Variants in FARP2 observed in about 807,000 individuals in gnomAD.
FARP2 encodes the protein FERM, ARHGEF and pleckstrin domain-containing protein 2.
Under a neutral mutation model 130.5 loss-of-function variants are expected in FARP2, and 111 were observed. That is an observed-to-expected ratio of 0.85 (90% CI 0.73 to 1.00). FARP2 has a LOEUF of 1.00. FARP2 is among the 50% of genes least tolerant of loss of function. FARP2 has a pLI of 0.00. For synonymous variants in FARP2, 504 were observed against 516.9 expected (o/e 0.98, Z 0.34); for missense variants, 1,385 against 1,346.3 (o/e 1.03, Z -0.45).
intron 3 of FARP2, among the ~76,000 whole-genome samples, chr2:241,404,360 T>G (rs1189178006): frequency 6.6e-6 from 1 of 152,240 alleles, no homozygotes; most frequent in African/African-American, 2.4e-5. Context: ...TATTAAGTTC[T>G]GTCCAGCCTT....
At chr2:241,393,139 C>A (rs772012215) in intron 2 of FARP2, among the ~76,000 whole-genome samples, 14 of 151,744 alleles carry the variant, frequency 9.2e-5, no homozygotes, top group Non-Finnish European at 1.5e-4. Flanking sequence ...CCTGTCTCAG[C>A]CTTCTGAGTA....
intron 17 of FARP2, 102 bp from the exon 18 acceptor site, chr2:241,468,038 T>G: frequency 1.2e-6 from 1 of 827,824 alleles, no homozygotes; most frequent in African/African-American, 1.7e-5. Context: ...ATTTGCCCTG[T>G]GGGGATTTCC....
intron 8 of FARP2, 121 bp downstream of exon 8, chr2:241,418,230 G>A: frequency 2.0e-6 from 2 of 1,004,786 alleles, no homozygotes; most frequent in South Asian, 1.6e-5. Context: ...CCTCGATTTG[G>A]AAGAGGGGCT....
intron 11 of FARP2, among the ~76,000 whole-genome samples, chr2:241,435,261 G>GT (rs202038900): frequency 0.01 from 1,519 of 147,570 alleles, 103 homozygotes; most frequent in Admixed American, 0.091. Flanking sequence ...CCCCTGGCTA[G>GT]TTTTTTTTGT....
At chr2:241,474,060 A>G (rs1307713401) in intron 18 of FARP2, among the ~76,000 whole-genome samples, 3 of 151,954 alleles carry the variant, frequency 2.0e-5, no homozygotes, top group East Asian at 3.9e-4. Context: ...TAATCCTAGC[A>G]CTTTGGGAGG....
chr2:241,450,379 CAAAA>C (rs913677513), intron 13 of FARP2, among the ~76,000 whole-genome samples: 1 of 151,154 alleles, frequency 6.6e-6, no homozygotes, highest in Non-Finnish European at 1.5e-5. Context: ...AAAAACAAAA[CAAAA>C]AAGGCCAGGC....
rs1269422122 is a variant in FARP2, at chr2:241,491,502, TGAC to T, written c.2624-13_2624-11del. The T allele has an allele frequency of 2.5e-6, 4 of 1,612,670 alleles. No homozygotes were observed. The highest frequency in any genetic ancestry group is 3.3e-5 in the Admixed American group (2 of 59,976). ...CAGGGGGTTCCCCCTGAGACGCTGC[TGAC>T]TTCTCCCCAGGATCCCCCAACGAGG... is the stretch of plus-strand genomic sequence containing the variant. On this transcript the variant is annotated splice_polypyrimidine_tract_variant and intron_variant, in intron 23 of 26. Coordinates refer to ENST00000264042, the MANE Select transcript of FARP2 (RefSeq NM_014808.4).
chr2:241,467,641 CAA>C (rs397957562), intron 17 of FARP2, among the ~76,000 whole-genome samples: 28 of 111,980 alleles, frequency 2.5e-4, no homozygotes, highest in South Asian at 2.9e-4. Flanking sequence ...GATCCAGTCT[CAA>C]AAAAAAAAAA....
intron 8 of FARP2, among the ~76,000 whole-genome samples, chr2:241,424,642 C>A (rs1012849398): frequency 5.3e-5 from 8 of 151,958 alleles, no homozygotes; most frequent in South Asian, 2.1e-4. Context: ...GACACAAAAA[C>A]CCCTTCAAAA....
chr2:241,399,644 A>G (rs2062116865), intron 2 of FARP2, among the ~76,000 whole-genome samples: 1 of 152,034 alleles, frequency 6.6e-6, no homozygotes, highest in Non-Finnish European at 1.5e-5. Flanking sequence ...ACTATCTTCT[A>G]TTTTGTGGCT....
Position 241,407,598 on chromosome 2 carries a change from A to C in FARP2, c.393A>C (p.Leu131=). Residue 131 remains leucine, a synonymous_variant, in exon 5 of 27, where the codon CTA becomes CTC. Transcript: ENST00000264042. ...TTTTTCCACCTGATCCTGGTCAGCT[A>C]CAAGAAGAATATACAAGGTAAAGAG... ...VKFFPPDPGQ[L]QEEYTRYLFA... 6.2e-7 allele frequency: 1 copy of C among 1,613,776 alleles called. No homozygotes were observed. Among genetic ancestry groups the C allele is most frequent in the Non-Finnish European group, 8.5e-7 (1 of 1,179,672 alleles).
At chr2:241,366,120 T>TATATATATAC (rs1238134390) in intron 1 of FARP2, among the ~76,000 whole-genome samples, 960 of 42,632 alleles carry the variant, frequency 0.023, 37 homozygotes, top group Middle Eastern at 0.079. Context: ...TATATATATA[T>TATATATATAC]ACGTATATAT....
intron 8 of FARP2, among the ~76,000 whole-genome samples, chr2:241,429,765 A>G (rs183649196): frequency 6.6e-6 from 1 of 152,196 alleles, no homozygotes; most frequent in African/African-American, 2.4e-5. Flanking sequence ...TCTGCCTTTA[A>G]CTCGTTAAAC....
intron 18 of FARP2, among the ~76,000 whole-genome samples, chr2:241,469,367 G>A (rs1343297142): frequency 6.6e-6 from 1 of 152,138 alleles, no homozygotes; most frequent in Admixed American, 6.5e-5. Flanking sequence ...TTACAGGTGT[G>A]AGCCACCACA....
At chr2:241,376,994 G>T (rs992243225) in intron 2 of FARP2, among the ~76,000 whole-genome samples, 9 of 152,298 alleles carry the variant, frequency 5.9e-5, no homozygotes, top group Non-Finnish European at 1.3e-4. Context: ...AGTTAGATTT[G>T]GTTAACAGAC....
rs758691127 is a variant in FARP2 at position 241,492,910 on chromosome 2, A to G, written c.2788-19A>G. The G allele has an allele frequency of 1.3e-6, 2 of 1,495,244 alleles. No homozygotes were observed. The highest frequency in any genetic ancestry group is 1.9e-6 in the Non-Finnish European group (2 of 1,071,674). 92.6% of individuals were successfully genotyped at this position (1,495,244 alleles called of 1,614,324 possible). On this transcript the variant is annotated intron_variant, in intron 24 of 26. Coordinates refer to ENST00000264042, the MANE Select transcript of FARP2 (RefSeq NM_014808.4). ...CCTGGGTGCTGGTTAATGCACCTGC[A>G]TTTTTCCTTTATTGACAGAACCAGC... is the stretch of plus-strand genomic sequence containing the variant.
At chr2:241,435,510 A>ATTTT (rs374376821) in intron 11 of FARP2, among the ~76,000 whole-genome samples, 1 of 134,530 alleles carries the variant, frequency 7.4e-6, no homozygotes, top group Admixed American at 7.5e-5. Flanking sequence ...TGGATTTGTA[A>ATTTT]TTTTTTTTTT....
chr2:241,381,236 G>A (rs574885220), intron 2 of FARP2, among the ~76,000 whole-genome samples: 201 of 152,138 alleles, frequency 1.3e-3, no homozygotes, highest in Non-Finnish European at 2.3e-3. Context: ...GATTGCCACC[G>A]CCAGCCACTT....
intron 2 of FARP2, among the ~76,000 whole-genome samples, chr2:241,385,239 AC>A (rs1422982193): frequency 1.3e-5 from 2 of 152,166 alleles, no homozygotes; most frequent in Non-Finnish European, 2.9e-5. Flanking sequence ...AGTTATAAAA[AC>A]TAAAACTCTT....
Sources: gnomAD v4.1 joint callset for allele counts (sites outside exome capture counted in the v4.1 genomes callset) on GRCh38, gnomAD v4.1.1 for gene constraint, MANE v1.5 for transcripts, NCBI Gene and HGNC (gene_info 2026-07-23, HGNC 2026-07-21) for gene names.